The following FRMD4B variants were observed in gnomAD, a reference collection of about 807,000 sequenced individuals.
The protein encoded by FRMD4B is FERM domain-containing protein 4B.
Under a neutral mutation model 141.5 loss-of-function variants are expected in FRMD4B, and 74 were observed. That is an observed-to-expected ratio of 0.52 (90% CI 0.43 to 0.63). The LOEUF (loss-of-function observed/expected upper bound fraction) is 0.63. Ranked by LOEUF, FRMD4B falls within the 30% of genes least tolerant of loss-of-function variation. The pLI, the probability that FRMD4B is intolerant of heterozygous loss-of-function variation, is 0.00. For missense variants in FRMD4B, 1,366 were observed against 1,253.4 expected (o/e 1.09, Z -1.36); for synonymous variants, 506 against 467.9 (o/e 1.08, Z -1.05).
intron 2 of FRMD4B, among the ~76,000 whole-genome samples, chr3:69,393,252 T>A (rs1384036358): frequency 6.6e-6 from 1 of 151,530 alleles, no homozygotes; most frequent in Non-Finnish European, 1.5e-5. Context: ...ATTTCCCTCA[T>A]CTGTTATTTT....
intron 4 of FRMD4B, among the ~76,000 whole-genome samples, chr3:69,292,344 A>C (rs1192306477): frequency 6.6e-6 from 1 of 152,234 alleles, no homozygotes; most frequent in East Asian, 1.9e-4. Context: ...GGCGGATAGC[A>C]TATTAGCCAA....
rs181086377 is a variant in FRMD4B at position 69,524,456 on chromosome 3, C to T, written c.-129+17750G>A. Reference sequence around the variant, plus strand: ...TAACTAAAGCTGTCATGTGTTGAGGCTTTATATCAGTTAGAATGTAGGTGC... The same window carrying T: ...TAACTAAAGCTGTCATGTGTTGAGGTTTTATATCAGTTAGAATGTAGGTGC... On this transcript the variant is annotated intron_variant, in intron 1 of 5. Coordinates refer to the FRMD4B transcript ENST00000459638. Among the ~76,000 whole-genome samples, 20 of 152,304 alleles carry T rather than the reference C, an allele frequency of 1.3e-4. No homozygotes were observed. The East Asian group carries it at 3.9e-3, about 29-fold the overall frequency.
chr3:69,322,596 T>TG lies in FRMD4B; in HGVS notation c.163-9080_163-9079insC, dbSNP rs1470901761. Among the ~76,000 whole-genome samples the TG allele has an allele frequency of 5.0e-5, 3 of 60,122 alleles. No individual in the cohort carries two copies. The East Asian group carries it at 8.9e-4, about 18-fold the overall frequency. The allele number at this position is 60,122 out of a possible 152,430, so 39.4% of individuals were successfully genotyped here. A position where few individuals can be genotyped will look rare whatever the true frequency, so the allele number is the denominator to read the frequency against. Reference sequence around the variant, plus strand: ...ATTGTTTAGATTTTTCTCTCTCTCTTTTTTTTTTTTTTTTTTTTGAGACAG... The same window carrying TG: ...ATTGTTTAGATTTTTCTCTCTCTCTTGTTTTTTTTTTTTTTTTTTGAGACAG... On this transcript the variant is annotated intron_variant, in intron 1 of 22. Coordinates refer to ENST00000398540, the MANE Select transcript of FRMD4B (RefSeq NM_015123.3).
In FRMD4B at chr3:69,344,999, G is replaced by A. The variant is rs181975759; in HGVS notation, c.163-31482C>T. ...TGTAGGACAGTGGGTGCAGGACAGT[G>A]GGTGCAGCCCACCGAGAGTGAGCTG... is the stretch of plus-strand genomic sequence containing the variant. On this transcript the variant is annotated intron_variant, in intron 1 of 22. Coordinates refer to ENST00000398540, the MANE Select transcript of FRMD4B (RefSeq NM_015123.3). 1.9e-3 allele frequency among the ~76,000 whole-genome samples: 265 copies of A among 141,730 alleles called. 2 individuals carry two copies. The highest frequency in any genetic ancestry group is 6.5e-3 in the African/African-American group (248 of 38,000). 93.0% of individuals were successfully genotyped at this position (141,730 alleles called of 152,430 possible).
intron 8 of FRMD4B, among the ~76,000 whole-genome samples, 177 bp downstream of exon 8, chr3:69,224,430 G>A (rs2093230017): frequency 6.6e-6 from 1 of 152,186 alleles, no homozygotes; most frequent in South Asian, 2.1e-4. Flanking sequence ...ATGATCTCCA[G>A]TAAGCTTTGA....
intron 11 of FRMD4B, among the ~76,000 whole-genome samples, chr3:69,212,395 A>G (rs2093094912): frequency 6.7e-6 from 1 of 149,606 alleles, no homozygotes; most frequent in Non-Finnish European, 1.5e-5. Context: ...AAAAAAAAGA[A>G]AAAAAAGAAA....
chr3:69,209,102 C>T (rs908122254), intron 11 of FRMD4B, among the ~76,000 whole-genome samples: 12 of 150,832 alleles, frequency 8.0e-5, no homozygotes, highest in South Asian at 2.1e-4. Flanking sequence ...CAAGATCACG[C>T]CACTGCACTC....
chr3:69,372,570 C>T (rs1031740089), intron 1 of FRMD4B, among the ~76,000 whole-genome samples: 35 of 152,154 alleles, frequency 2.3e-4, no homozygotes, highest in African/African-American at 8.0e-4. Context: ...GAGGCTGAGG[C>T]AGGAGAATCA....
intron 1 of FRMD4B, among the ~76,000 whole-genome samples, chr3:69,460,386 ATGAGGTTTAAAAAG>A (rs1705691409): frequency 6.6e-6 from 1 of 152,156 alleles, no homozygotes; most frequent in African/African-American, 2.4e-5. Flanking sequence ...CAGTAGGAAG[ATGAGGTTTAAAAAG>A]TGAGATGTTC....
chr3:69,196,129 A>T (rs1399201872), intron 14 of FRMD4B, 126 bp downstream of exon 14: 2 of 729,972 alleles, frequency 2.7e-6, no homozygotes, highest in African/African-American at 1.8e-5. Context: ...TGTCGCATAC[A>T]TACTTATTGA....
chr3:69,318,615 GAT>G (rs1701883727), intron 1 of FRMD4B, among the ~76,000 whole-genome samples: 1 of 152,226 alleles, frequency 6.6e-6, no homozygotes, highest in Non-Finnish European at 1.5e-5. Context: ...TGGCTCTGCT[GAT>G]AGGTCAGGGG....
intron 1 of FRMD4B, among the ~76,000 whole-genome samples, chr3:69,528,901 A>C (rs1183659665): frequency 6.6e-6 from 1 of 152,064 alleles, no homozygotes; most frequent in Non-Finnish European, 1.5e-5. Flanking sequence ...TACACCCCTT[A>C]GTTTCACTGG....
intron 1 of FRMD4B, among the ~76,000 whole-genome samples, chr3:69,509,612 A>G (rs1179380722): frequency 1.3e-5 from 2 of 152,134 alleles, no homozygotes; most frequent in African/African-American, 4.8e-5. Context: ...GTTCAATTGC[A>G]TTTGCCTTCT....
chr3:69,368,327 T>C (rs1319955930), intron 1 of FRMD4B, among the ~76,000 whole-genome samples: 3 of 152,220 alleles, frequency 2.0e-5, no homozygotes, highest in Non-Finnish European at 4.4e-5. Context: ...CCACAGGATA[T>C]GTGCAAATCA....
At chr3:69,537,540 G>A (rs934734667) in intron 1 of FRMD4B, among the ~76,000 whole-genome samples, 1 of 152,162 alleles carries the variant, frequency 6.6e-6, no homozygotes, top group Admixed American at 6.5e-5. Flanking sequence ...ACAGGATCAC[G>A]ATCACCCCCT....
intron 2 of FRMD4B, among the ~76,000 whole-genome samples, chr3:69,430,327 C>T (rs997561160): frequency 1.3e-5 from 2 of 152,172 alleles, no homozygotes; most frequent in Non-Finnish European, 2.9e-5. Flanking sequence ...CTTTCAGACC[C>T]TGCCCAGCAC....
At chr3:69,467,783 G>A (rs538470800) in intron 1 of FRMD4B, among the ~76,000 whole-genome samples, 2 of 152,264 alleles carry the variant, frequency 1.3e-5, no homozygotes, top group African/African-American at 4.8e-5. Flanking sequence ...ACTCGTTTAG[G>A]TACGGGTACA....
intron 2 of FRMD4B, among the ~76,000 whole-genome samples, chr3:69,418,886 G>A (rs1045303068): frequency 2.0e-5 from 3 of 151,782 alleles, no homozygotes; most frequent in Non-Finnish European, 4.4e-5. Flanking sequence ...CATATATGTT[G>A]TTTAAGCTGC....
intron 1 of FRMD4B, among the ~76,000 whole-genome samples, chr3:69,336,110 G>A (rs1333812313): frequency 6.6e-6 from 1 of 151,930 alleles, no homozygotes; most frequent in African/African-American, 2.4e-5. Flanking sequence ...TCCCTTGGGG[G>A]GTGAAGTCAC....
Sources: allele counts gnomAD v4.1 joint callset (sites outside exome capture counted in the v4.1 genomes callset), GRCh38; gene constraint gnomAD v4.1.1; transcripts MANE v1.5; gene names NCBI Gene and HGNC (gene_info 2026-07-23, HGNC 2026-07-21).